Variants in NRXN1 observed in about 807,000 individuals in gnomAD.
The protein encoded by NRXN1 is neurexin 1, also known as neurexin-1.
Under a neutral mutation model 150.9 loss-of-function variants are expected in NRXN1, and 39 were observed. That is an observed-to-expected ratio of 0.26 (90% CI 0.20 to 0.34). NRXN1 has a LOEUF of 0.34. NRXN1 is among the 10% of genes least tolerant of loss of function. NRXN1 has a pLI of 1.00. For missense variants in NRXN1, 1,815 were observed against 1,949.9 expected, an observed-to-expected ratio of 0.93 and a Z score of 1.30; for synonymous variants, 924 against 757.0, an observed-to-expected ratio of 1.22 and a Z score of -3.62.
intron 17 of NRXN1, among the ~76,000 whole-genome samples, chr2:50,342,203 A>C (rs1476367749): frequency 6.6e-6 from 1 of 152,258 alleles, no homozygotes; most frequent in Non-Finnish European, 1.5e-5. Context: ...AAATCTATTA[A>C]AGTTTTGGGC....
intron 18 of NRXN1, among the ~76,000 whole-genome samples, chr2:50,232,411 G>A (rs1383883818): frequency 5.3e-5 from 7 of 131,932 alleles, no homozygotes; most frequent in Admixed American, 8.4e-5. Flanking sequence ...TTTTTGAGAC[G>A]GAGTGTCACT....
intron 17 of NRXN1, among the ~76,000 whole-genome samples, chr2:50,276,471 A>C (rs1295678391): frequency 2.6e-5 from 4 of 152,088 alleles, no homozygotes; most frequent in Non-Finnish European, 5.9e-5. Context: ...TGAGATAGGA[A>C]TTCATTAGAT....
chr2:50,840,163 C>T (rs778083550), intron 5 of NRXN1, among the ~76,000 whole-genome samples: 10 of 152,084 alleles, frequency 6.6e-5, no homozygotes, highest in Non-Finnish European at 1.5e-4. Flanking sequence ...ATTATCTCTA[C>T]ATAATAGTTA....
chr2:50,254,256 T>C (rs1574765653), intron 17 of NRXN1, among the ~76,000 whole-genome samples: 2 of 151,944 alleles, frequency 1.3e-5, no homozygotes, highest in Admixed American at 1.3e-4. Flanking sequence ...GGGTCAGTGA[T>C]GATATCCCCT....
intron 21 of NRXN1, among the ~76,000 whole-genome samples, chr2:49,966,174 A>G (rs1455293040): frequency 6.6e-6 from 1 of 152,206 alleles, no homozygotes; most frequent in Non-Finnish European, 1.5e-5. Flanking sequence ...CGAGCAGTAT[A>G]GGCCCCCATA....
intron 18 of NRXN1, among the ~76,000 whole-genome samples, chr2:50,200,179 C>G (rs1370428165): frequency 6.6e-6 from 1 of 152,118 alleles, no homozygotes; most frequent in Admixed American, 6.5e-5. Flanking sequence ...CTACTTGAAG[C>G]TTTATGTATT....
intron 17 of NRXN1, among the ~76,000 whole-genome samples, chr2:50,379,664 A>G (rs1328182862): frequency 6.6e-6 from 1 of 152,160 alleles, no homozygotes; most frequent in Non-Finnish European, 1.5e-5. Flanking sequence ...GATTAAGGCA[A>G]TACGTACCAA....
chr2:50,086,909 T>C (rs1455402309), intron 19 of NRXN1, among the ~76,000 whole-genome samples: 2 of 152,250 alleles, frequency 1.3e-5, no homozygotes, highest in African/African-American at 2.4e-5. Context: ...GCTTTTACAG[T>C]GTATTTTGCA....
At chr2:50,019,009 A>G (rs1687068253) in intron 21 of NRXN1, among the ~76,000 whole-genome samples, 1 of 152,234 alleles carries the variant, frequency 6.6e-6, no homozygotes, top group African/African-American at 2.4e-5. Context: ...ATAGGTAAAT[A>G]TAGATGAGGG....
chr2:50,245,078 A>G (rs1169509514), intron 17 of NRXN1, among the ~76,000 whole-genome samples: 2 of 151,938 alleles, frequency 1.3e-5, no homozygotes, highest in South Asian at 2.1e-4. Flanking sequence ...TATCTTTGCA[A>G]TATATTTTCT....
At chr2:50,099,536 C>A (rs1166056195) in intron 18 of NRXN1, among the ~76,000 whole-genome samples, 1 of 152,076 alleles carries the variant, frequency 6.6e-6, no homozygotes, top group African/African-American at 2.4e-5. Context: ...ATACAAAATT[C>A]TTAGCACATT....
chr2:50,513,316 T>C (rs2092523754), intron 12 of NRXN1, among the ~76,000 whole-genome samples: 1 of 152,188 alleles, frequency 6.6e-6, no homozygotes, highest in Non-Finnish European at 1.5e-5. Flanking sequence ...CACTATACAC[T>C]ATATAAAAAT....
chr2:50,362,130 C>T (rs1427967140), intron 17 of NRXN1, among the ~76,000 whole-genome samples: 2 of 152,052 alleles, frequency 1.3e-5, no homozygotes, highest in Non-Finnish European at 2.9e-5. Context: ...ATGACAAACC[C>T]ACAACAAATA....
chr2:50,283,212 T>C (rs1027961560), intron 17 of NRXN1, among the ~76,000 whole-genome samples: 1 of 152,156 alleles, frequency 6.6e-6, no homozygotes, highest in African/African-American at 2.4e-5. Flanking sequence ...AGAAGTATCA[T>C]ACAAGCATTA....
chr2:50,972,589 C>T (rs1245169607), intron 2 of NRXN1, among the ~76,000 whole-genome samples: 1 of 152,018 alleles, frequency 6.6e-6, no homozygotes. Flanking sequence ...CTATACAACT[C>T]ACCATAATAT....
chr2:50,580,133 C>T (rs979388081), intron 8 of NRXN1, among the ~76,000 whole-genome samples: 8 of 152,170 alleles, frequency 5.3e-5, no homozygotes, highest in African/African-American at 1.4e-4. Context: ...TATATCATGC[C>T]TAAATTTCAT....
chr2:50,193,713 CAATT>C (rs550661193), intron 18 of NRXN1, among the ~76,000 whole-genome samples: 55 of 152,142 alleles, frequency 3.6e-4, no homozygotes, highest in South Asian at 1.5e-3. Context: ...TAAAATTTCT[CAATT>C]AATAAGATAC....
At chr2:50,742,594 G>A (rs186780397) in intron 5 of NRXN1, among the ~76,000 whole-genome samples, 1 of 147,208 alleles carries the variant, frequency 6.8e-6, no homozygotes, top group Non-Finnish European at 1.5e-5. Context: ...GGTGACAGAC[G>A]GAGACTCCGT....
chr2:50,780,695 T>C (rs1267209066), intron 5 of NRXN1, among the ~76,000 whole-genome samples: 2 of 152,328 alleles, frequency 1.3e-5, no homozygotes, highest in African/African-American at 4.8e-5. Context: ...TTCTTACTAC[T>C]AATATTTGAA....
Sources: allele counts gnomAD v4.1 joint callset (sites outside exome capture counted in the v4.1 genomes callset), GRCh38; gene constraint gnomAD v4.1.1; transcripts MANE v1.5; gene names NCBI Gene and HGNC (gene_info 2026-07-23, HGNC 2026-07-21).